The following SMIM36 variants were observed in gnomAD, a reference collection of about 807,000 sequenced individuals.
The protein encoded by SMIM36 is small integral membrane protein 36.
the SMIM36 span, among the ~76,000 whole-genome samples, chr17:55,529,007 G>A: frequency 6.6e-6 from 1 of 152,232 alleles, no homozygotes; most frequent in African/African-American, 2.4e-5. Flanking sequence ...CAAACTGCCT[G>A]TGTGACATTG....
intron 1 of SMIM36, among the ~76,000 whole-genome samples, chr17:55,493,095 G>A (rs1407380168): frequency 2.0e-5 from 3 of 152,234 alleles, no homozygotes; most frequent in Non-Finnish European, 4.4e-5. Flanking sequence ...TAAGCTTCCT[G>A]CTGCAGCTCC....
At chr17:55,478,909 G>C (rs1315427589) in intron 2 of SMIM36, 96 bp from the exon 3 acceptor site, 3 of 152,170 alleles carry the variant, frequency 2.0e-5, no homozygotes, top group South Asian at 4.2e-4. Flanking sequence ...TTTGAATCTG[G>C]GAAAGGAGAA....
chr17:55,511,051 C>A, exon 1 of SMIM36: 2 of 398,454 alleles, frequency 5.0e-6, no homozygotes, highest in Non-Finnish European at 8.8e-6. Context: ...CCTTAGCCAG[C>A]CTCATACCAT....
At chr17:55,513,782 A>G (rs1910221780), upstream of SMIM36, among the ~76,000 whole-genome samples, 1 of 152,184 alleles carries the variant, frequency 6.6e-6, no homozygotes, top group East Asian at 1.9e-4. Context: ...TTAAACTGAA[A>G]TATATGCAAC....
At chr17:55,500,734 TTCATTTA>T (rs1331833840) in intron 1 of SMIM36, among the ~76,000 whole-genome samples, 10 of 135,800 alleles carry the variant, frequency 7.4e-5, no homozygotes, top group Non-Finnish European at 9.2e-5. Context: ...TAAAAGAACA[TTCATTTA>T]AAAGTATTTC....
At chr17:55,452,102 C>CAAAAAAAAAA (rs1156887430) in intron 4 of SMIM36, among the ~76,000 whole-genome samples, 1 of 51,744 alleles carries the variant, frequency 1.9e-5, no homozygotes, top group Non-Finnish European at 3.4e-5. Flanking sequence ...TCAATCTCTA[C>CAAAAAAAAAA]AAAAAAAAAA....
chr17:55,472,866 TAAA>T (rs748364478), intron 3 of SMIM36, among the ~76,000 whole-genome samples: 5 of 120,058 alleles, frequency 4.2e-5, no homozygotes, highest in East Asian at 2.2e-4. Context: ...GACTCTGTCT[TAAA>T]AAAAAAAAAA....
At chr17:55,451,942 A>C (rs1237017728) in intron 4 of SMIM36, among the ~76,000 whole-genome samples, 2 of 151,926 alleles carry the variant, frequency 1.3e-5, no homozygotes, top group African/African-American at 4.8e-5. Flanking sequence ...ACAAAAAATA[A>C]AAAGATTTTA....
chr17:55,493,929 C>A (rs1311504651), intron 1 of SMIM36, among the ~76,000 whole-genome samples: 2 of 151,238 alleles, frequency 1.3e-5, no homozygotes, highest in Non-Finnish European at 2.9e-5. Flanking sequence ...CTTCCCTGTG[C>A]TTGTGGAATT....
intron 1 of SMIM36, among the ~76,000 whole-genome samples, chr17:55,481,201 T>A (rs1055774752): frequency 2.0e-5 from 3 of 152,018 alleles, no homozygotes; most frequent in Non-Finnish European, 4.4e-5. Flanking sequence ...ATGTAGGCAA[T>A]CCTCTTAGAC....
chr17:55,530,216 T>C, the SMIM36 span, among the ~76,000 whole-genome samples: 1 of 152,160 alleles, frequency 6.6e-6, no homozygotes, highest in African/African-American at 2.4e-5. Context: ...CAATTTGGCT[T>C]CCAGAGATTG....
At chr17:55,530,366 G>A in the SMIM36 span, among the ~76,000 whole-genome samples, 2 of 152,176 alleles carry the variant, frequency 1.3e-5, no homozygotes, top group East Asian at 1.9e-4. Context: ...TACACACTAC[G>A]CCCTATGGTC....
chr17:55,461,342 A>C (rs1295139820), intron 4 of SMIM36, among the ~76,000 whole-genome samples: 2 of 152,226 alleles, frequency 1.3e-5, no homozygotes, highest in African/African-American at 2.4e-5. Flanking sequence ...AACAACATGG[A>C]TAAATCTCAA....
chr17:55,524,227 T>A, the SMIM36 span, among the ~76,000 whole-genome samples: 1 of 152,184 alleles, frequency 6.6e-6, no homozygotes, highest in East Asian at 1.9e-4. Flanking sequence ...TCCAGCCCCA[T>A]CCATGTTTCT....
intron 4 of SMIM36, among the ~76,000 whole-genome samples, chr17:55,453,768 C>T (rs1321429980): frequency 1.3e-5 from 2 of 152,146 alleles, no homozygotes; most frequent in Non-Finnish European, 2.9e-5. Context: ...ATGGGAGATT[C>T]CCAGGTTTTA....
At chr17:55,509,635 C>T (rs927351675) in intron 1 of SMIM36, among the ~76,000 whole-genome samples, 1 of 152,156 alleles carries the variant, frequency 6.6e-6, no homozygotes, top group African/African-American at 2.4e-5. Flanking sequence ...CGGCAAAGAT[C>T]ATATGGCAGG....
intron 4 of SMIM36, among the ~76,000 whole-genome samples, chr17:55,459,666 C>G (rs1301249741): frequency 6.6e-6 from 1 of 152,168 alleles, no homozygotes; most frequent in Non-Finnish European, 1.5e-5. Context: ...AATGATTTCT[C>G]TACCCCAAAG....
At chr17:55,488,457 G>A (rs1295705597) in intron 1 of SMIM36, among the ~76,000 whole-genome samples, 1 of 152,156 alleles carries the variant, frequency 6.6e-6, no homozygotes, top group East Asian at 1.9e-4. Flanking sequence ...GTTTAATACT[G>A]TGCATGCAAT....
intron 3 of SMIM36, among the ~76,000 whole-genome samples, chr17:55,478,307 C>A (rs1355950215): frequency 1.3e-5 from 2 of 151,504 alleles, no homozygotes; most frequent in African/African-American, 4.9e-5. Context: ...GATCTTGGCT[C>A]ACGGTAGCCT....
Sources: gnomAD v4.1 joint callset for allele counts (sites outside exome capture counted in the v4.1 genomes callset) on GRCh38, gnomAD v4.1.1 for gene constraint, MANE v1.5 for transcripts, NCBI Gene and HGNC (gene_info 2026-07-23, HGNC 2026-07-21) for gene names.